Variants in PODXL observed in about 807,000 individuals in gnomAD.
PODXL encodes podocalyxin like.
A neutral mutation model predicts 48.9 loss-of-function variants in PODXL; 20 were observed. The ratio of observed to expected loss-of-function variants is 0.41; its 90% CI spans 0.29 to 0.59. The LOEUF (loss-of-function observed/expected upper bound fraction) is 0.59, where lower values mean the gene tolerates loss of function less well. PODXL is among the 20% of genes least tolerant of loss of function. The pLI is 0.31. For missense variants in PODXL, 606 were observed against 675.1 expected (o/e 0.90, Z 1.13); for synonymous variants, 295 against 287.4 (o/e 1.03, Z -0.27).
At chr7:131,547,108 C>T (rs532476770) in intron 1 of PODXL, among the ~76,000 whole-genome samples, 2 of 152,250 alleles carry the variant, frequency 1.3e-5, no homozygotes, top group African/African-American at 4.8e-5. Flanking sequence ...GTGCGGGTGG[C>T]TCACATCTGT....
At chr7:131,508,405 C>T (rs1267156485) in intron 5 of PODXL, among the ~76,000 whole-genome samples, 2 of 152,174 alleles carry the variant, frequency 1.3e-5, no homozygotes, top group Admixed American at 1.3e-4. Flanking sequence ...ACAGACTACA[C>T]CTCTCATTTT....
In PODXL at chr7:131,556,473, G is replaced by A. The variant is rs1798750065; in HGVS notation, c.-114C>T. 3 of 1,221,952 alleles carry A rather than the reference G, an allele frequency of 2.5e-6. No individual in the cohort carries two copies. The highest frequency in any genetic ancestry group is 2.1e-6 in the Non-Finnish European group (2 of 970,972). The allele number at this position is 1,221,952 out of a possible 1,614,324, so 75.7% of individuals were successfully genotyped here. On this transcript the variant is annotated 5_prime_UTR_variant, in exon 1 of 9. Coordinates refer to ENST00000378555, the MANE Select transcript of PODXL (RefSeq NM_001018111.3). ...GGGGAGGCCTGTGGGTGGCTCCGGAGGCCAGGCTGTGGCCCGGGGCTCCCG... is the reference window on the plus strand; with the variant it reads ...GGGGAGGCCTGTGGGTGGCTCCGGAAGCCAGGCTGTGGCCCGGGGCTCCCG...
At position 131,503,961 on chromosome 7, in the gene PODXL, C is replaced by T. The variant is rs979349547; in HGVS notation, c.*350G>A. ...ATCCTGGCTCTGTCACCAAGTGGCTCTGACCTTGGGCAAGTCACTTACCCT... is the reference window on the plus strand; with the variant it reads ...ATCCTGGCTCTGTCACCAAGTGGCTTTGACCTTGGGCAAGTCACTTACCCT... On this transcript the variant is annotated 3_prime_UTR_variant, in exon 9 of 9. Transcript: ENST00000378555. The T allele has an allele frequency of 3.1e-6, 1 of 324,642 alleles. No individual in the cohort carries two copies. Among genetic ancestry groups the T allele is most frequent in the African/African-American group, 2.2e-5 (1 of 46,496 alleles). 20.1% of individuals were successfully genotyped at this position (324,642 alleles called of 1,614,324 possible).
At chr7:131,510,721 C>G (rs1024908722) in intron 2 of PODXL, 107 bp downstream of exon 2, 57 of 1,348,848 alleles carry the variant, frequency 4.2e-5, no homozygotes, top group Non-Finnish European at 5.8e-5. Context: ...ATCCACCTGT[C>G]TCGGCCTCCC....
intron 1 of PODXL, among the ~76,000 whole-genome samples, chr7:131,553,060 T>C (rs780900966): frequency 2.0e-5 from 3 of 152,124 alleles, no homozygotes; most frequent in Non-Finnish European, 2.9e-5. Flanking sequence ...TTGCTGGGAT[T>C]CCAGGCGTGA....
At position 131,546,473 on chromosome 7, in the gene PODXL, T is replaced by C. The variant is rs189549050; in HGVS notation, c.100+9787A>G. ...GGGCGCTGTGGCTCACGTCTGTAAT[T>C]CCAGCACTTTGGGAGGCTGAGGCGG... On this transcript the variant is annotated intron_variant, in intron 1 of 8. Coordinates refer to ENST00000378555, the MANE Select transcript of PODXL (RefSeq NM_001018111.3). Among the ~76,000 whole-genome samples the C allele has an allele frequency of 7.8e-4, 118 of 151,960 alleles. No individual in the cohort carries two copies. In the East Asian group the frequency reaches 0.022, roughly 28 times the overall value.
intron 1 of PODXL, among the ~76,000 whole-genome samples, chr7:131,549,366 C>T (rs1356281804): frequency 6.6e-6 from 1 of 152,138 alleles, no homozygotes; most frequent in East Asian, 1.9e-4. Flanking sequence ...AGGCAGGCTA[C>T]CCCAGCTGGA....
At chr7:131,531,425 A>C (rs1798278601) in intron 1 of PODXL, among the ~76,000 whole-genome samples, 1 of 151,862 alleles carries the variant, frequency 6.6e-6, no homozygotes, top group Non-Finnish European at 1.5e-5. Context: ...CGAGGAACTG[A>C]CTCGCCTCAC....
intron 1 of PODXL, among the ~76,000 whole-genome samples, chr7:131,523,185 C>A (rs533491895): frequency 1.3e-5 from 2 of 152,148 alleles, no homozygotes; most frequent in African/African-American, 4.8e-5. Flanking sequence ...AGATCCTTGC[C>A]AACAGTTATC....
At chr7:131,550,978 G>A (rs1798660456) in intron 1 of PODXL, among the ~76,000 whole-genome samples, 1 of 152,098 alleles carries the variant, frequency 6.6e-6, no homozygotes, top group African/African-American at 2.4e-5. Context: ...TGATTTTCTG[G>A]CTCATTTAGA....
Position 131,506,012 on chromosome 7 carries a change from T to C in PODXL, c.1335A>G (p.Leu445=). 1 of 1,612,622 alleles carries C rather than the reference T, an allele frequency of 6.2e-7. No individual in the cohort carries two copies. Among genetic ancestry groups the C allele is most frequent in the Non-Finnish European group, 8.5e-7 (1 of 1,179,476 alleles). ...LKEAGVSDMK[L]GDQGPPEEAE... Reference sequence around the variant, plus strand: ...CCTCCTCCGGTGGCCCCTGGTCCCCTAGCTTCATGTCACTGACCCCTGCCT... The same window carrying C: ...CCTCCTCCGGTGGCCCCTGGTCCCCCAGCTTCATGTCACTGACCCCTGCCT... Residue 445 remains leucine, a synonymous_variant, in exon 8 of 9, where the codon CTA becomes CTG. Transcript: ENST00000378555.
At chr7:131,550,670 AGG>A (rs1798654236) in intron 1 of PODXL, among the ~76,000 whole-genome samples, 1 of 152,128 alleles carries the variant, frequency 6.6e-6, no homozygotes, top group Admixed American at 6.5e-5. Flanking sequence ...AAATATATAA[AGG>A]GGATTTGGTG....
chr7:131,531,534 C>A (rs1798280579), intron 1 of PODXL, among the ~76,000 whole-genome samples: 1 of 152,166 alleles, frequency 6.6e-6, no homozygotes, highest in Admixed American at 6.5e-5. Context: ...TTACCTACGA[C>A]CGCCATAACA....
chr7:131,508,379 C>T (rs78519767), intron 5 of PODXL, among the ~76,000 whole-genome samples: 10,436 of 152,232 alleles, frequency 0.069, 517 homozygotes, highest in East Asian at 0.18. Context: ...TGTGAAGCCA[C>T]AGACGATTAA....
At chr7:131,532,614 C>T (rs1162715182) in intron 1 of PODXL, among the ~76,000 whole-genome samples, 2 of 151,974 alleles carry the variant, frequency 1.3e-5, no homozygotes, top group East Asian at 3.9e-4. Flanking sequence ...AAATGGTCCC[C>T]TGCTTGGGCT....
chr7:131,550,706 A>C (rs917564829), intron 1 of PODXL, among the ~76,000 whole-genome samples: 1 of 152,110 alleles, frequency 6.6e-6, no homozygotes, highest in South Asian at 2.1e-4. Flanking sequence ...CCCAGGAGGG[A>C]ATCAGCACTG....
At chr7:131,532,483 C>T (rs949118317) in intron 1 of PODXL, among the ~76,000 whole-genome samples, 11 of 145,748 alleles carry the variant, frequency 7.5e-5, no homozygotes, top group Non-Finnish European at 1.6e-4. Flanking sequence ...AATAATCACA[C>T]GTTCCAGAGA....
At chr7:131,522,282 C>T (rs568853634) in intron 1 of PODXL, among the ~76,000 whole-genome samples, 26 of 152,274 alleles carry the variant, frequency 1.7e-4, no homozygotes, top group African/African-American at 6.0e-4. Flanking sequence ...GAAACCCTGT[C>T]TCTACTAAAA....
chr7:131,513,738 G>A (rs751923015), intron 1 of PODXL, among the ~76,000 whole-genome samples: 75 of 152,206 alleles, frequency 4.9e-4, no homozygotes, highest in Non-Finnish European at 8.8e-4. Context: ...GGTAAGCAGC[G>A]CTGGCCTCCC....
Sources: allele counts gnomAD v4.1 joint callset (sites outside exome capture counted in the v4.1 genomes callset), GRCh38; gene constraint gnomAD v4.1.1; transcripts MANE v1.5; gene names NCBI Gene and HGNC (gene_info 2026-07-23, HGNC 2026-07-21).